Variants in DNAJC6 observed in about 807,000 individuals in gnomAD.
The protein encoded by DNAJC6 is auxilin.
A neutral mutation model predicts 110.0 loss-of-function variants in DNAJC6; 34 were observed. The observed-to-expected ratio is 0.31, with a 90% confidence interval of 0.24 to 0.41. The LOEUF (loss-of-function observed/expected upper bound fraction) is 0.41. Among genes scored for constraint, DNAJC6 ranks in the 10% least tolerant of loss-of-function variants. DNAJC6 has a pLI of 1.00. For missense variants in DNAJC6, 1,031 were observed against 1,207.8 expected (o/e 0.85, Z 2.17); for synonymous variants, 406 against 437.2 (o/e 0.93, Z 0.89).
intron 1 of DNAJC6, among the ~76,000 whole-genome samples, chr1:65,313,975 A>G (rs1405825204): frequency 6.6e-6 from 1 of 152,342 alleles, no homozygotes; most frequent in East Asian, 1.9e-4. Context: ...AGAACTTTCA[A>G]TATTGAGCTG....
intron 1 of DNAJC6, chr1:65,264,940 G>A: frequency 6.2e-7 from 1 of 1,612,940 alleles, no homozygotes; most frequent in Non-Finnish European, 8.5e-7. Context: ...AAGGTAAGGG[G>A]CGGACTGCAG....
At chr1:65,385,518 T>A (rs1178940022) in intron 6 of DNAJC6, among the ~76,000 whole-genome samples, 194 bp from the exon 7 acceptor site, 1 of 152,262 alleles carries the variant, frequency 6.6e-6, no homozygotes, top group Non-Finnish European at 1.5e-5. Context: ...ATTGGGGAAG[T>A]ACAGCAATCT....
intron 1 of DNAJC6, among the ~76,000 whole-genome samples, chr1:65,274,567 T>A (rs563841736): frequency 6.6e-6 from 1 of 152,364 alleles, no homozygotes; most frequent in East Asian, 1.9e-4. Flanking sequence ...TCCACTCACC[T>A]TGGCCTCCCA....
At chr1:65,335,001 A>G (rs184507409) in intron 1 of DNAJC6, among the ~76,000 whole-genome samples, 31 of 152,352 alleles carry the variant, frequency 2.0e-4, no homozygotes, top group Admixed American at 1.6e-3. Flanking sequence ...CACCCTGTGC[A>G]GTATTGCTGA....
At chr1:65,389,229 A>G in intron 9 of DNAJC6, 27 bp from the exon 10 acceptor site, 5 of 1,598,300 alleles carry the variant, frequency 3.1e-6, no homozygotes, top group Non-Finnish European at 3.4e-6. Context: ...TTTTCACTGA[A>G]TTTATCTTTT....
chr1:65,407,633 C>T (rs1329484201), intron 16 of DNAJC6, among the ~76,000 whole-genome samples: 1 of 152,124 alleles, frequency 6.6e-6, no homozygotes, highest in African/African-American at 2.4e-5. Flanking sequence ...TGGACAATTC[C>T]ATAGAGTCAT....
In DNAJC6 at chr1:65,309,933, G is replaced by A. The variant is rs1235994238; in HGVS notation, c.188G>A (p.Ser63Asn). The A allele has an allele frequency of 3.1e-5, 45 of 1,475,278 alleles. No individual in the cohort carries two copies. The highest frequency in any genetic ancestry group is 4.0e-5 in the Non-Finnish European group (44 of 1,112,344). The allele number at this position is 1,475,278 out of a possible 1,614,324, so 91.4% of individuals were successfully genotyped here. A position where few individuals can be genotyped will look rare whatever the true frequency, so the allele number is the denominator to read the frequency against. Residue 63 changes from serine to asparagine, a missense_variant, in exon 1 of 19, where the codon AGC (serine) becomes AAC (asparagine). Ser to Asn is a conservative substitution (Grantham distance 46, BLOSUM62 1). Coordinates refer to ENST00000371069, the MANE Select transcript of DNAJC6 (RefSeq NM_001256864.2). ...QPPDRASTMD[S>N]SGASSPDMEP... is the part of the protein sequence containing the mutation. ...CCGGACCGCGCCAGCACCATGGACAGCTCAGGTAGCGCTGCCCGAGGGGAG... is the reference window on the plus strand; with the variant it reads ...CCGGACCGCGCCAGCACCATGGACAACTCAGGTAGCGCTGCCCGAGGGGAG...
At position 65,411,361 on chromosome 1, in the gene DNAJC6, C is replaced by A. The variant is rs974962807; in HGVS notation, c.2746C>A (p.Leu916Met). The change falls in exon 18 of 19, where the codon CTG (leucine) becomes ATG (methionine). Residue 916 changes from leucine (L) to methionine (M), a missense_variant. Physicochemically the swap from Leu to Met is conservative, Grantham distance 15. Coordinates refer to ENST00000371069, the MANE Select transcript of DNAJC6 (RefSeq NM_001256864.2). Reference protein sequence around the residue: ...TKWKPVGMADLVTPEQVKKVY... With the variant: ...TKWKPVGMADMVTPEQVKKVY... ...GTGGAAACCAGTTGGCATGGCAGAC[C>A]TGGTAACACCAGAGCAGGTGAAGAA... 6.2e-7 allele frequency: 1 copy of A among 1,614,122 alleles called. No individual in the cohort carries two copies. The highest frequency in any genetic ancestry group is 1.3e-5 in the African/African-American group (1 of 75,022).
intron 14 of DNAJC6, among the ~76,000 whole-genome samples, chr1:65,400,408 AATGGATCTCTTGACTTATTC>A (rs1209928595): frequency 6.6e-6 from 1 of 152,186 alleles, no homozygotes; most frequent in Non-Finnish European, 1.5e-5. Context: ...TATGCTGTAC[AATGGATCTCTTGACTTATTC>A]CTCCTTTCTA....
intron 13 of DNAJC6, among the ~76,000 whole-genome samples, chr1:65,395,977 T>C (rs9326067): frequency 0.19 from 28,836 of 152,110 alleles, 6,131 homozygotes; most frequent in East Asian, 0.58. Context: ...GGTGACGTAT[T>C]GTTGAAGGCA....
At chr1:65,362,044 A>AT (rs956331597) in intron 1 of DNAJC6, among the ~76,000 whole-genome samples, 4 of 152,186 alleles carry the variant, frequency 2.6e-5, no homozygotes, top group South Asian at 2.1e-4. Flanking sequence ...ATATTAATAC[A>AT]TTTTTTGTGG....
intron 1 of DNAJC6, chr1:65,279,010 T>C: frequency 2.0e-6 from 2 of 985,436 alleles, no homozygotes; most frequent in Non-Finnish European, 2.4e-6. Context: ...CAGACACTTT[T>C]ATTTCCTGCA....
At chr1:65,395,638 T>A (rs1645969126) in intron 13 of DNAJC6, among the ~76,000 whole-genome samples, 2 of 152,304 alleles carry the variant, frequency 1.3e-5, no homozygotes, top group Admixed American at 1.3e-4. Context: ...ATTTTTATAT[T>A]GATCATTTAT....
intron 1 of DNAJC6, among the ~76,000 whole-genome samples, chr1:65,292,112 G>A (rs566556534): frequency 9.2e-5 from 14 of 152,212 alleles, no homozygotes; most frequent in African/African-American, 3.4e-4. Flanking sequence ...TGCCTCCCAG[G>A]TTCAAGGAAT....
chr1:65,365,962 C>A (rs768021424), intron 3 of DNAJC6, 28 bp downstream of exon 3: 1 of 1,612,930 alleles, frequency 6.2e-7, no homozygotes, highest in African/African-American at 1.3e-5. Context: ...ATTAACAGTC[C>A]TTTGGCTCAG....
intron 1 of DNAJC6, among the ~76,000 whole-genome samples, chr1:65,311,733 G>A (rs1308391009): frequency 2.0e-5 from 3 of 152,174 alleles, no homozygotes; most frequent in Non-Finnish European, 4.4e-5. Context: ...TTCCAAATGA[G>A]TGTGAAGGAG....
At chr1:65,395,207 C>T (rs1012625447) in intron 13 of DNAJC6, among the ~76,000 whole-genome samples, 175 bp downstream of exon 13, 1 of 152,184 alleles carries the variant, frequency 6.6e-6, no homozygotes, top group Admixed American at 6.5e-5. Context: ...GGCTGTCTTA[C>T]AGGACAGAAA....
At chr1:65,408,541 ATAT>A in intron 16 of DNAJC6, 97 bp from the exon 17 acceptor site, 1 of 1,339,584 alleles carries the variant, frequency 7.5e-7, no homozygotes, top group African/African-American at 1.5e-5. Context: ...GACTGAATGC[ATAT>A]TAAAAACACC....
chr1:65,364,813 G>A, intron 2 of DNAJC6, 28 bp downstream of exon 2: 1 of 1,610,392 alleles, frequency 6.2e-7, no homozygotes, highest in Non-Finnish European at 8.5e-7. Flanking sequence ...AGTTAATTTA[G>A]TGGATCCCCA....
Sources: allele counts gnomAD v4.1 joint callset (sites outside exome capture counted in the v4.1 genomes callset), GRCh38; gene constraint gnomAD v4.1.1; transcripts MANE v1.5; gene names NCBI Gene and HGNC (gene_info 2026-07-23, HGNC 2026-07-21).